The following SPAG16 variants were observed in gnomAD, a reference collection of about 807,000 sequenced individuals.
SPAG16 encodes the protein sperm associated antigen 16.
In SPAG16, 86 loss-of-function variants were observed where a neutral mutation model predicts 80.4. That is an observed-to-expected ratio of 1.07 (90% CI 0.90 to 1.28). The LOEUF (loss-of-function observed/expected upper bound fraction) is 1.28, where lower values mean the gene tolerates loss of function less well. Among genes scored for constraint, SPAG16 ranks in the 50% most tolerant of loss-of-function variants. SPAG16 has a pLI of 0.00. For missense variants in SPAG16, 870 were observed against 765.3 expected (o/e 1.14, Z -1.61); for synonymous variants, 294 against 265.9 (o/e 1.11, Z -1.03).
chr2:213,984,505 C>T lies in SPAG16; in HGVS notation c.1401-29446C>T, dbSNP rs114100852. Among the ~76,000 whole-genome samples, 1,472 of 152,172 alleles carry T rather than the reference C, an allele frequency of 9.7e-3. 25 individuals are homozygous for T. The highest frequency in any genetic ancestry group is 0.032 in the African/African-American group (1,346 of 41,522). ...CCTCTACCTTAGTAAAACAATTCCA[C>T]GCATGGTCCTTGTCTCTGTTGTACA... On this transcript the variant is annotated intron_variant, in intron 12 of 15. Transcript: ENST00000331683.
chr2:214,276,485 G>C (rs1692469334), intron 15 of SPAG16, among the ~76,000 whole-genome samples: 1 of 152,156 alleles, frequency 6.6e-6, no homozygotes, highest in Admixed American at 6.5e-5. Context: ...TTTAAGGCAG[G>C]CCTGGTGGTG....
intron 15 of SPAG16, among the ~76,000 whole-genome samples, chr2:214,361,135 C>G (rs903999100): frequency 5.3e-5 from 8 of 151,778 alleles, no homozygotes; most frequent in African/African-American, 1.9e-4. Flanking sequence ...TCAGAGAAAG[C>G]CTTTTCACTG....
intron 15 of SPAG16, among the ~76,000 whole-genome samples, chr2:214,349,387 CATA>C (rs768720732): frequency 6.6e-6 from 1 of 152,168 alleles, no homozygotes; most frequent in Non-Finnish European, 1.5e-5. Context: ...TTTTATTCAG[CATA>C]ATGTTTTGAA....
chr2:213,819,943 T>TA (rs1027821861), intron 10 of SPAG16, among the ~76,000 whole-genome samples: 2 of 146,970 alleles, frequency 1.4e-5, no homozygotes, highest in Non-Finnish European at 3.0e-5. Context: ...TTTTTCGTGT[T>TA]TTTTTTTTTT....
chr2:213,749,351 C>T (rs2067980690), intron 10 of SPAG16, among the ~76,000 whole-genome samples: 1 of 151,856 alleles, frequency 6.6e-6, no homozygotes, highest in Admixed American at 6.6e-5. Context: ...TTAACATATC[C>T]TGGCAGCATA....
chr2:213,368,368 C>T (rs2066437034), intron 8 of SPAG16, among the ~76,000 whole-genome samples: 1 of 152,138 alleles, frequency 6.6e-6, no homozygotes, highest in African/African-American at 2.4e-5. Flanking sequence ...AATCTATACA[C>T]TTCATGCTAA....
chr2:213,490,361 T>C (rs1308366540), intron 10 of SPAG16, among the ~76,000 whole-genome samples: 1 of 152,164 alleles, frequency 6.6e-6, no homozygotes, highest in Admixed American at 6.5e-5. Flanking sequence ...GAGAAGTTTC[T>C]AGGATTACTT....
intron 15 of SPAG16, among the ~76,000 whole-genome samples, chr2:214,403,708 A>T (rs1701840878): frequency 6.6e-6 from 1 of 152,210 alleles, no homozygotes; most frequent in Admixed American, 6.5e-5. Flanking sequence ...GTAGTGTGAA[A>T]GCTGCTACTA....
intron 10 of SPAG16, among the ~76,000 whole-genome samples, chr2:213,573,047 C>G (rs1229006716): frequency 6.6e-6 from 1 of 152,196 alleles, no homozygotes; most frequent in Non-Finnish European, 1.5e-5. Context: ...AGGGAACTCC[C>G]TGACCCCTCG....
Position 213,555,927 on chromosome 2 carries a change from T to C in SPAG16, c.1070+65837T>C, listed in dbSNP as rs916426338. On this transcript the variant is annotated intron_variant, in intron 10 of 15. Transcript: ENST00000331683. Reference sequence around the variant, plus strand: ...AAGGGGTAAAATAAAAATATGTAAATTGTGACATCAAAAACATAAAATGGG... The same window carrying C: ...AAGGGGTAAAATAAAAATATGTAAACTGTGACATCAAAAACATAAAATGGG... 3.3e-5 allele frequency among the ~76,000 whole-genome samples: 5 copies of C among 152,224 alleles called. No homozygotes were observed. In the East Asian group the frequency reaches 9.6e-4, roughly 29 times the overall value.
intron 12 of SPAG16, among the ~76,000 whole-genome samples, chr2:214,006,720 A>G (rs2047040904): frequency 6.6e-6 from 1 of 152,226 alleles, no homozygotes; most frequent in Admixed American, 6.5e-5. Context: ...TTCCAAAGAA[A>G]TTCTGAATGG....
chr2:213,399,166 G>T (rs1040981122), intron 9 of SPAG16, among the ~76,000 whole-genome samples: 1 of 152,046 alleles, frequency 6.6e-6, no homozygotes, highest in Admixed American at 6.5e-5. Flanking sequence ...AAGTTAAATA[G>T]AAGTGGTTAA....
chr2:213,316,778 C>T (rs1026633989), intron 4 of SPAG16, among the ~76,000 whole-genome samples: 2 of 152,052 alleles, frequency 1.3e-5, no homozygotes, highest in African/African-American at 4.8e-5. Flanking sequence ...TCAGATATCA[C>T]TTTGTCAGTC....
intron 10 of SPAG16, among the ~76,000 whole-genome samples, chr2:213,509,948 G>T (rs1012061379): frequency 6.6e-6 from 1 of 151,932 alleles, no homozygotes; most frequent in Non-Finnish European, 1.5e-5. Context: ...AAAGAGAGAA[G>T]AATCAAATAG....
At chr2:214,383,468 G>A (rs182644447) in intron 15 of SPAG16, among the ~76,000 whole-genome samples, 42 of 152,052 alleles carry the variant, frequency 2.8e-4, no homozygotes, top group African/African-American at 1.0e-3. Context: ...CTGCTTGGGA[G>A]GCTGAGGCAT....
intron 3 of SPAG16, among the ~76,000 whole-genome samples, 179 bp from the exon 4 acceptor site, chr2:213,309,880 G>C (rs2063112468): frequency 6.6e-6 from 1 of 151,768 alleles, no homozygotes; most frequent in Admixed American, 6.6e-5. Flanking sequence ...ACAGAGATTT[G>C]TTTGCTTTCA....
intron 9 of SPAG16, among the ~76,000 whole-genome samples, chr2:213,476,503 A>C (rs186599775): frequency 1.3e-5 from 2 of 152,196 alleles, no homozygotes; most frequent in East Asian, 3.9e-4. Flanking sequence ...TGCACTATCC[A>C]CTCTTAACTG....
At chr2:213,675,398 C>T (rs1041141155) in intron 10 of SPAG16, among the ~76,000 whole-genome samples, 4 of 152,164 alleles carry the variant, frequency 2.6e-5, no homozygotes, top group Non-Finnish European at 4.4e-5. Context: ...AATTAGATAC[C>T]ATTTGTCAAT....
chr2:214,300,758 C>A (rs554383008), intron 15 of SPAG16, among the ~76,000 whole-genome samples: 1 of 151,792 alleles, frequency 6.6e-6, no homozygotes, highest in Non-Finnish European at 1.5e-5. Context: ...TGCAATTAAA[C>A]CATTAATTCA....
Sources: gnomAD v4.1 joint callset for allele counts (sites outside exome capture counted in the v4.1 genomes callset) on GRCh38, gnomAD v4.1.1 for gene constraint, MANE v1.5 for transcripts, NCBI Gene and HGNC (gene_info 2026-07-23, HGNC 2026-07-21) for gene names.